SUSD6: variants seen among roughly 807,000 people sequenced by gnomAD.
The protein encoded by SUSD6 is sushi domain containing 6.
Under a neutral mutation model 28.4 loss-of-function variants are expected in SUSD6, and 16 were observed. The observed-to-expected ratio is 0.56, with a 90% CI of 0.38 to 0.86. The LOEUF is 0.86. SUSD6 is among the 40% of genes least tolerant of loss of function. SUSD6 has a pLI of 0.00. For synonymous variants in SUSD6, 147 were observed against 159.6 expected, an observed-to-expected ratio of 0.92 and a Z score of 0.59; for missense variants, 341 against 384.2, an observed-to-expected ratio of 0.89 and a Z score of 0.94.
chr14:69,703,112 T>A (rs1335645758), intron 2 of SUSD6, among the ~76,000 whole-genome samples: 1 of 152,188 alleles, frequency 6.6e-6, no homozygotes, highest in East Asian at 1.9e-4. Context: ...CTCTATAGGT[T>A]CAAGACTTTA....
At chr14:69,679,658 A>C (rs551920363) in intron 2 of SUSD6, among the ~76,000 whole-genome samples, 3 of 151,896 alleles carry the variant, frequency 2.0e-5, no homozygotes, top group Non-Finnish European at 2.9e-5. Flanking sequence ...TCTTCTTTCA[A>C]TGTGGCCCAG....
intron 1 of SUSD6, among the ~76,000 whole-genome samples, chr14:69,636,440 G>A (rs1469620920): frequency 1.3e-5 from 2 of 152,228 alleles, no homozygotes; most frequent in Non-Finnish European, 2.9e-5. Flanking sequence ...GCTTCCTGAG[G>A]AAGAGGGTGG....
chr14:69,659,934 G>A (rs543098888), intron 2 of SUSD6, among the ~76,000 whole-genome samples: 1 of 152,344 alleles, frequency 6.6e-6, no homozygotes, highest in South Asian at 2.1e-4. Context: ...ACATGTTTGG[G>A]TGTGTACGGT....
At chr14:69,639,853 T>C (rs933350041) in intron 1 of SUSD6, among the ~76,000 whole-genome samples, 1 of 151,768 alleles carries the variant, frequency 6.6e-6, no homozygotes, top group African/African-American at 2.4e-5. Context: ...CCTCTAGACA[T>C]TGCCAAATGG....
chr14:69,631,975 T>C (rs766777207), intron 1 of SUSD6, among the ~76,000 whole-genome samples: 3 of 152,210 alleles, frequency 2.0e-5, no homozygotes, highest in Non-Finnish European at 4.4e-5. Flanking sequence ...AAGGTGTTAA[T>C]ACCAACAACA....
chr14:69,680,258 A>G (rs1885979073), intron 2 of SUSD6, among the ~76,000 whole-genome samples: 1 of 152,134 alleles, frequency 6.6e-6, no homozygotes, highest in South Asian at 2.1e-4. Context: ...AGTTTCTGTC[A>G]AGGCATCAGT....
intron 2 of SUSD6, among the ~76,000 whole-genome samples, chr14:69,688,531 A>G (rs1886108071): frequency 6.6e-6 from 1 of 152,228 alleles, no homozygotes; most frequent in Middle Eastern, 3.2e-3. Context: ...ATCTGCTGCC[A>G]TGTGAGAGAA....
In SUSD6 at chr14:69,714,475, A is replaced by G. The variant is rs897149657; in HGVS notation, c.*3496A>G. 7 of 152,122 alleles carry G rather than the reference A, an allele frequency of 4.6e-5. No individual in the cohort carries two copies. Among genetic ancestry groups the G allele is most frequent in the African/African-American group, 1.7e-4 (7 of 41,404 alleles). The allele number at this position is 152,122 out of a possible 1,614,324, so 9.4% of individuals were successfully genotyped here. A position where few individuals can be genotyped will look rare whatever the true frequency, so the allele number is the denominator to read the frequency against. ...AAAAAAGGCCTAGCAGGGAAGCAGC[A>G]TGCAGGCTTCACAGCTTAATGCCAA... On this transcript the variant is annotated 3_prime_UTR_variant, in exon 6 of 6. Transcript: ENST00000342745.
chr14:69,670,504 A>G (rs1325588334), intron 2 of SUSD6: 6 of 456,662 alleles, frequency 1.3e-5, no homozygotes, highest in Non-Finnish European at 2.2e-5. Flanking sequence ...ACTGAGATCT[A>G]AAGGCAAGTG....
intron 4 of SUSD6, among the ~76,000 whole-genome samples, chr14:69,705,919 C>G (rs982025732): frequency 2.6e-5 from 4 of 152,342 alleles, no homozygotes; most frequent in Non-Finnish European, 5.9e-5. Context: ...TTGGCCCTTC[C>G]TGGCAGTTCC....
At chr14:69,675,045 C>CA (rs2139626062) in intron 2 of SUSD6, among the ~76,000 whole-genome samples, 1 of 152,206 alleles carries the variant, frequency 6.6e-6, no homozygotes, top group African/African-American at 2.4e-5. Flanking sequence ...ATTTCCCCCC[C>CA]ACCCCTCTGC....
Position 69,703,459 on chromosome 14 carries a change from C to A in SUSD6, c.186C>A (p.Asp62Glu), listed in dbSNP as rs753831671. The A allele has an allele frequency of 2.5e-6, 4 of 1,614,110 alleles. No individual in the cohort carries two copies. The highest frequency in any genetic ancestry group is 1.7e-5 in the Admixed American group (1 of 60,020). ...GYICHPRPCR[D>E]PLTAGSVIEY... ...TCTGCCACCCCCGGCCCTGCAGAGA[C>A]CCCCTGACAGCAGGCAGTGTCATCG... is the stretch of plus-strand genomic sequence containing the variant. The change falls in exon 3 of 6, where the codon GAC (aspartate) becomes GAA (glutamate). Residue 62 changes from aspartate to glutamate, a missense_variant. Asp to Glu is a conservative substitution (Grantham distance 45). Transcript: ENST00000342745.
Position 69,639,336 on chromosome 14 carries a change from A to AAG in SUSD6, c.-80-19176_-80-19175insGA, listed in dbSNP as rs1885315281. ...CTCAAAAAAAAAAAAAAAAAAAAAA[A>AAG]AAAGAAATAAGGCCAAACCTAGCGT... On this transcript the variant is annotated intron_variant, in intron 1 of 5. Transcript: ENST00000342745. Among the ~76,000 whole-genome samples the AAG allele has an allele frequency of 4.6e-5, 7 of 151,168 alleles. No homozygotes were observed. The South Asian group carries it at 1.3e-3, about 27-fold the overall frequency.
chr14:69,656,493 CT>C (rs1365076426), intron 1 of SUSD6, among the ~76,000 whole-genome samples: 1 of 152,164 alleles, frequency 6.6e-6, no homozygotes, highest in Non-Finnish European at 1.5e-5. Flanking sequence ...CAGCTGGGGC[CT>C]CTGAGTATAT....
At chr14:69,623,880 A>G (rs1885076914) in intron 1 of SUSD6, among the ~76,000 whole-genome samples, 1 of 152,258 alleles carries the variant, frequency 6.6e-6, no homozygotes, top group Non-Finnish European at 1.5e-5. Flanking sequence ...TGTTATTACA[A>G]ATGAGTCAAA....
intron 2 of SUSD6, among the ~76,000 whole-genome samples, chr14:69,671,350 A>G (rs1885828989): frequency 6.6e-6 from 1 of 152,162 alleles, no homozygotes; most frequent in African/African-American, 2.4e-5. Flanking sequence ...CTATTTGCCT[A>G]TGGGACAGGA....
intron 1 of SUSD6, among the ~76,000 whole-genome samples, chr14:69,636,564 A>G (rs1008224751): frequency 3.9e-5 from 6 of 152,184 alleles, no homozygotes; most frequent in African/African-American, 1.2e-4. Flanking sequence ...TCCTGGGGGA[A>G]CCCATTGTTG....
chr14:69,701,188 C>T (rs1245973938), intron 2 of SUSD6, among the ~76,000 whole-genome samples: 1 of 151,512 alleles, frequency 6.6e-6, no homozygotes, highest in Non-Finnish European at 1.5e-5. Context: ...AATTACAAGT[C>T]ACTTCTTTGC....
intron 1 of SUSD6, among the ~76,000 whole-genome samples, chr14:69,643,559 A>G (rs904697782): frequency 6.6e-6 from 1 of 152,182 alleles, no homozygotes; most frequent in Non-Finnish European, 1.5e-5. Context: ...TCATGGTCCC[A>G]TTAAACCTGG....
Sources: allele counts gnomAD v4.1 joint callset (sites outside exome capture counted in the v4.1 genomes callset), GRCh38; gene constraint gnomAD v4.1.1; transcripts MANE v1.5; gene names NCBI Gene and HGNC (gene_info 2026-07-23, HGNC 2026-07-21).